TFAP2D: variants seen among roughly 807,000 people sequenced by gnomAD.
TFAP2D encodes transcription factor AP-2-delta.
Under a neutral mutation model 43.6 loss-of-function variants are expected in TFAP2D, and 9 were observed. The observed-to-expected ratio is 0.21, with a 90% CI of 0.12 to 0.36. The LOEUF (loss-of-function observed/expected upper bound fraction) is 0.36, where lower values mean the gene tolerates loss of function less well. Ranked by LOEUF, TFAP2D falls within the 10% of genes least tolerant of loss-of-function variation. The probability of loss-of-function intolerance (pLI) is 1.00; values close to 1 mark genes in which losing one functional copy is unlikely to be tolerated. For synonymous variants in TFAP2D, 256 were observed against 224.9 expected, an observed-to-expected ratio of 1.14 and a Z score of -1.24; for missense variants, 513 against 561.4, an observed-to-expected ratio of 0.91 and a Z score of 0.87.
intron 1 of TFAP2D, 45 bp downstream of exon 1, chr6:50,714,139 G>T: frequency 6.4e-7 from 1 of 1,570,170 alleles, no homozygotes; most frequent in South Asian, 1.2e-5. Context: ...GCGCGTGTGT[G>T]TGGCGGCGGC....
intron 7 of TFAP2D, among the ~76,000 whole-genome samples, chr6:50,757,542 T>G (rs1275852596): frequency 3.8e-5 from 3 of 78,946 alleles, no homozygotes; most frequent in Non-Finnish European, 6.7e-5. Context: ...TCTATATATA[T>G]AGAATACATA....
chr6:50,722,776 C>A (rs1172624171), intron 3 of TFAP2D, among the ~76,000 whole-genome samples: 1 of 151,462 alleles, frequency 6.6e-6, no homozygotes, highest in Non-Finnish European at 1.5e-5. Flanking sequence ...ACATTTTGGC[C>A]CTGGTCTGTT....
intron 6 of TFAP2D, 112 bp downstream of exon 6, chr6:50,745,360 G>T (rs916458654): frequency 2.1e-6 from 3 of 1,445,716 alleles, no homozygotes; most frequent in African/African-American, 1.5e-5. Flanking sequence ...AACAAGGAAG[G>T]TCTCACACAC....
Position 50,714,104 on chromosome 6 carries a change from C to CTTTT in TFAP2D, c.39+27_39+30dup, listed in dbSNP as rs71305731. 6.4e-4 allele frequency: 901 copies of CTTTT among 1,397,282 alleles called. No individual in the cohort carries two copies. Among genetic ancestry groups the CTTTT allele is most frequent in the Non-Finnish European group, 7.3e-4 (781 of 1,063,418 alleles). 86.6% of individuals were successfully genotyped at this position (1,397,282 alleles called of 1,614,324 possible). Reference sequence around the variant, plus strand: ...AGTCCACGATGCCGAGGTATTATTACTTTTTTTTTTTTTTTTTTTTGAGCG... The same window carrying CTTTT: ...AGTCCACGATGCCGAGGTATTATTACTTTTTTTTTTTTTTTTTTTTTTTTGAGCG... On this transcript the variant is annotated intron_variant, in intron 1 of 7. Transcript: ENST00000008391.
intron 5 of TFAP2D, among the ~76,000 whole-genome samples, chr6:50,732,920 C>T (rs955214760): frequency 6.6e-6 from 1 of 151,868 alleles, no homozygotes; most frequent in African/African-American, 2.4e-5. Context: ...ATGAATAGCT[C>T]CTAGCTTTGT....
intron 5 of TFAP2D, among the ~76,000 whole-genome samples, chr6:50,737,122 A>C (rs1394001060): frequency 6.6e-6 from 1 of 152,082 alleles, no homozygotes; most frequent in Non-Finnish European, 1.5e-5. Context: ...CTGAGACCAC[A>C]GACACATGCC....
chr6:50,761,074 A>G (rs545232859), intron 7 of TFAP2D, among the ~76,000 whole-genome samples: 2 of 151,686 alleles, frequency 1.3e-5, no homozygotes, highest in South Asian at 2.1e-4. Flanking sequence ...TACTGTTTGC[A>G]TCCTTCCCAG....
At chr6:50,746,229 T>TTGTTTGTG (rs1769123370) in intron 6 of TFAP2D, among the ~76,000 whole-genome samples, 1 of 149,964 alleles carries the variant, frequency 6.7e-6, no homozygotes, top group East Asian at 1.9e-4. Flanking sequence ...GAAAAGTATT[T>TTGTTTGTG]TGTTTGTTTG....
intron 7 of TFAP2D, among the ~76,000 whole-genome samples, chr6:50,760,368 T>A (rs145324647): frequency 6.6e-6 from 1 of 152,010 alleles, no homozygotes; most frequent in Non-Finnish European, 1.5e-5. Context: ...ATACTGATGC[T>A]TTGGATTCAT....
At chr6:50,752,499 T>C (rs1343407807) in intron 7 of TFAP2D, among the ~76,000 whole-genome samples, 2 of 151,898 alleles carry the variant, frequency 1.3e-5, no homozygotes, top group Non-Finnish European at 2.9e-5. Context: ...TCAATACCTG[T>C]CAAAAATTGT....
intron 5 of TFAP2D, among the ~76,000 whole-genome samples, chr6:50,730,336 T>C (rs1482889853): frequency 6.6e-6 from 1 of 152,164 alleles, no homozygotes; most frequent in Non-Finnish European, 1.5e-5. Context: ...TGTTCCCTGA[T>C]AGTAGTCACA....
intron 6 of TFAP2D, among the ~76,000 whole-genome samples, chr6:50,748,434 A>G (rs1391545526): frequency 1.3e-5 from 2 of 151,938 alleles, no homozygotes; most frequent in African/African-American, 4.8e-5. Flanking sequence ...GAGAGATCCA[A>G]TTGCTAATCT....
intron 5 of TFAP2D, among the ~76,000 whole-genome samples, chr6:50,741,061 A>G (rs1266976482): frequency 3.9e-5 from 6 of 151,954 alleles, no homozygotes; most frequent in Admixed American, 3.9e-4. Flanking sequence ...CTGCTTTTTA[A>G]GAGATATGTT....
chr6:50,741,253 T>G (rs1026918475), intron 5 of TFAP2D, among the ~76,000 whole-genome samples: 1 of 152,162 alleles, frequency 6.6e-6, no homozygotes, highest in African/African-American at 2.4e-5. Flanking sequence ...AGCACCAACC[T>G]GATCCACCTA....
chr6:50,752,694 C>T (rs1408515603), intron 7 of TFAP2D, among the ~76,000 whole-genome samples: 3 of 151,838 alleles, frequency 2.0e-5, no homozygotes, highest in Non-Finnish European at 4.4e-5. Flanking sequence ...TCCAAAAATG[C>T]ACAAAATGTA....
In TFAP2D at chr6:50,772,888, C is replaced by T. The variant is rs1256922703; in HGVS notation, c.*24C>T. Reference sequence around the variant, plus strand: ...AGCTACATCAAACAGAATCTATTTCCAGAGAGTCTTGCTGCTGATATTTTT... The same window carrying T: ...AGCTACATCAAACAGAATCTATTTCTAGAGAGTCTTGCTGCTGATATTTTT... On this transcript the variant is annotated 3_prime_UTR_variant, in exon 8 of 8. Transcript: ENST00000008391. The T allele has an allele frequency of 6.3e-7, 1 of 1,588,634 alleles. No individual in the cohort carries two copies. The highest frequency in any genetic ancestry group is 1.8e-5 in the Admixed American group (1 of 56,774).
At chr6:50,752,195 C>T (rs1012132256) in intron 7 of TFAP2D, among the ~76,000 whole-genome samples, 4 of 151,258 alleles carry the variant, frequency 2.6e-5, no homozygotes, top group African/African-American at 9.7e-5. Flanking sequence ...TGCACATGTA[C>T]CCTAAAACTT....
Position 50,721,773 on chromosome 6 carries a change from A to G in TFAP2D, c.598+2623A>G, listed in dbSNP as rs140711455. On this transcript the variant is annotated intron_variant, in intron 3 of 7. Transcript: ENST00000008391. ...CATGAAACATGATTTATTGCAAAGC[A>G]CAATTTTTCACCATTTTCTCTTTTC... Among the ~76,000 whole-genome samples, 546 of 152,350 alleles carry G rather than the reference A, an allele frequency of 3.6e-3. 4 individuals carry two copies. Among genetic ancestry groups the G allele is most frequent in the African/African-American group, 0.012 (506 of 41,572 alleles).
chr6:50,749,431 G>C (rs1769169007), intron 6 of TFAP2D, among the ~76,000 whole-genome samples: 1 of 151,610 alleles, frequency 6.6e-6, no homozygotes, highest in Non-Finnish European at 1.5e-5. Context: ...ATTTTAATCT[G>C]ATAGAAAAAC....
Sources: gnomAD v4.1 joint callset for allele counts (sites outside exome capture counted in the v4.1 genomes callset) on GRCh38, gnomAD v4.1.1 for gene constraint, MANE v1.5 for transcripts, NCBI Gene and HGNC (gene_info 2026-07-23, HGNC 2026-07-21) for gene names.